Variants in TMPRSS11D observed in about 807,000 individuals in gnomAD.
TMPRSS11D encodes the protein transmembrane serine protease 11D.
Under a neutral mutation model 44.4 loss-of-function variants are expected in TMPRSS11D, and 32 were observed. The ratio of observed to expected loss-of-function variants is 0.72; its 90% CI spans 0.54 to 0.97. The LOEUF is 0.97. Ranked by LOEUF, TMPRSS11D falls within the 50% of genes least tolerant of loss-of-function variation. The pLI is 0.00. For synonymous variants in TMPRSS11D, 179 were observed against 177.9 expected, an observed-to-expected ratio of 1.01 and a Z score of -0.05; for missense variants, 446 against 502.6, an observed-to-expected ratio of 0.89 and a Z score of 1.08.
chr4:67,821,949 ACTT>A lies in TMPRSS11D; in HGVS notation c.*385_*387del, dbSNP rs1717652909. The A allele has an allele frequency of 6.3e-6, 1 of 158,252 alleles. No homozygotes were observed. The highest frequency in any genetic ancestry group is 2.0e-4 in the South Asian group (1 of 5,010). 9.8% of individuals were successfully genotyped at this position (158,252 alleles called of 1,614,324 possible). A position where few individuals can be genotyped will look rare whatever the true frequency, so the allele number is the denominator to read the frequency against. ...CTTTGCATGTTTCCACAGTTTGCTT[ACTT>A]CTCATCCTCAGTGAAACCCAGAGAA... is the stretch of plus-strand genomic sequence containing the variant. On this transcript the variant is annotated 3_prime_UTR_variant, in exon 10 of 10. Coordinates refer to ENST00000283916, the MANE Select transcript of TMPRSS11D (RefSeq NM_004262.3).
At chr4:67,825,609 A>C (rs1717770834) in intron 9 of TMPRSS11D, 123 bp downstream of exon 9, 13 of 1,079,966 alleles carry the variant, frequency 1.2e-5, no homozygotes, top group Non-Finnish European at 1.5e-5. Context: ...CTAGATTATA[A>C]ATTTTAGAGG....
intron 7 of TMPRSS11D, among the ~76,000 whole-genome samples, chr4:67,831,925 A>G (rs920453009): frequency 1.3e-5 from 2 of 152,140 alleles, no homozygotes; most frequent in African/African-American, 2.4e-5. Context: ...TAGTCTTTTA[A>G]ATCTTTATTC....
At chr4:67,874,376 G>C (rs934471523) in intron 1 of TMPRSS11D, among the ~76,000 whole-genome samples, 6 of 152,124 alleles carry the variant, frequency 3.9e-5, no homozygotes, top group Admixed American at 1.3e-4. Flanking sequence ...GATCTGATTT[G>C]TAATGCGCAA....
chr4:67,875,353 C>T (rs1719161515), intron 1 of TMPRSS11D, among the ~76,000 whole-genome samples: 1 of 152,172 alleles, frequency 6.6e-6, no homozygotes, highest in Non-Finnish European at 1.5e-5. Context: ...TCTTCCTTGT[C>T]ATTGAATGAA....
chr4:67,859,746 T>C, intron 1 of TMPRSS11D, 68 bp from the exon 2 acceptor site: 3 of 1,584,698 alleles, frequency 1.9e-6, no homozygotes, highest in Middle Eastern at 1.7e-4. Context: ...TTAGTGTTCA[T>C]GATTGTCTTC....
At chr4:67,848,223 T>C (rs1358576700) in intron 3 of TMPRSS11D, among the ~76,000 whole-genome samples, 2 of 152,228 alleles carry the variant, frequency 1.3e-5, no homozygotes, top group Non-Finnish European at 2.9e-5. Context: ...AAAGGAGAGA[T>C]TTAATGACTC....
chr4:67,829,135 T>C (rs1161306528), intron 7 of TMPRSS11D, among the ~76,000 whole-genome samples: 2 of 151,934 alleles, frequency 1.3e-5, no homozygotes, highest in Admixed American at 6.6e-5. Flanking sequence ...AAACAATCTT[T>C]AAAAGGCACC....
intron 4 of TMPRSS11D, among the ~76,000 whole-genome samples, chr4:67,841,652 CT>C (rs1371601935): frequency 6.6e-6 from 1 of 152,140 alleles, no homozygotes; most frequent in Non-Finnish European, 1.5e-5. Context: ...GGCTTACTCA[CT>C]TTTGAACATT....
At chr4:67,865,078 T>C (rs1001474719) in intron 1 of TMPRSS11D, among the ~76,000 whole-genome samples, 4 of 151,626 alleles carry the variant, frequency 2.6e-5, no homozygotes, top group African/African-American at 9.7e-5. Context: ...TTTTTATCAG[T>C]ACATGGAACA....
chr4:67,857,262 GA>G (rs1718660458), intron 2 of TMPRSS11D, among the ~76,000 whole-genome samples: 1 of 124,426 alleles, frequency 8.0e-6, no homozygotes, highest in Non-Finnish European at 1.7e-5. Flanking sequence ...AACGGATAAA[GA>G]AAATATGGTA....
intron 1 of TMPRSS11D, among the ~76,000 whole-genome samples, chr4:67,862,788 T>C: frequency 6.6e-6 from 1 of 152,006 alleles, no homozygotes; most frequent in East Asian, 1.9e-4. Context: ...ACCATCATTC[T>C]CAGCAAACTA....
Position 67,862,801 on chromosome 4 carries a change from G to A in TMPRSS11D, c.9-3123C>T, listed in dbSNP as rs898805148. The stretch of plus-strand genomic sequence containing the variant: ...AAACCATCATTCTCAGCAAACTATC[G>A]CAAGGACAAAAAACCAAACACCGCA... On this transcript the variant is annotated intron_variant, in intron 1 of 9. Coordinates refer to ENST00000283916, the MANE Select transcript of TMPRSS11D (RefSeq NM_004262.3). Among the ~76,000 whole-genome samples the A allele has an allele frequency of 3.3e-5, 5 of 151,928 alleles. No homozygotes were observed. The East Asian group carries it at 5.8e-4, about 18-fold the overall frequency.
At chr4:67,861,556 G>C (rs933185703) in intron 1 of TMPRSS11D, among the ~76,000 whole-genome samples, 1 of 152,046 alleles carries the variant, frequency 6.6e-6, no homozygotes, top group Non-Finnish European at 1.5e-5. Flanking sequence ...ATCTGTAAGC[G>C]TGGAGTGAGA....
chr4:67,844,918 T>A (rs558072888), intron 3 of TMPRSS11D, among the ~76,000 whole-genome samples: 5 of 152,344 alleles, frequency 3.3e-5, no homozygotes, highest in African/African-American at 1.2e-4. Flanking sequence ...TAATATGGAA[T>A]GTTAAAGGAG....
chr4:67,826,715 G>T (rs1373630764), intron 8 of TMPRSS11D, among the ~76,000 whole-genome samples: 3 of 151,136 alleles, frequency 2.0e-5, no homozygotes, highest in African/African-American at 7.3e-5. Context: ...CTTGAGGGCA[G>T]GAATTCCAGA....
intron 1 of TMPRSS11D, among the ~76,000 whole-genome samples, chr4:67,860,758 A>G (rs1285335028): frequency 6.6e-6 from 1 of 152,052 alleles, no homozygotes; most frequent in Non-Finnish European, 1.5e-5. Flanking sequence ...GCATATTCTA[A>G]TTTTCATATT....
intron 3 of TMPRSS11D, among the ~76,000 whole-genome samples, chr4:67,844,748 C>T (rs1303587200): frequency 6.6e-6 from 1 of 151,864 alleles, no homozygotes; most frequent in Non-Finnish European, 1.5e-5. Context: ...CAGTACACTC[C>T]AGCCTGGACA....
chr4:67,881,044 T>C (rs562008420), intron 1 of TMPRSS11D, among the ~76,000 whole-genome samples: 21 of 152,202 alleles, frequency 1.4e-4, no homozygotes, highest in Non-Finnish European at 2.6e-4. Flanking sequence ...CATGAGCATA[T>C]ACTAAAGCTA....
At chr4:67,876,305 C>G (rs1001507965) in intron 1 of TMPRSS11D, among the ~76,000 whole-genome samples, 7 of 152,006 alleles carry the variant, frequency 4.6e-5, no homozygotes, top group Non-Finnish European at 1.0e-4. Flanking sequence ...AAATGAGATA[C>G]TGTTTATAAA....
Sources: allele counts gnomAD v4.1 joint callset (sites outside exome capture counted in the v4.1 genomes callset), GRCh38; gene constraint gnomAD v4.1.1; transcripts MANE v1.5; gene names NCBI Gene and HGNC (gene_info 2026-07-23, HGNC 2026-07-21).